TNKS: variants seen among roughly 807,000 people sequenced by gnomAD.
TNKS encodes the protein poly [ADP-ribose] polymerase tankyrase-1.
A neutral mutation model predicts 135.8 loss-of-function variants in TNKS; 72 were observed. The ratio of observed to expected loss-of-function variants is 0.53; its 90% confidence interval spans 0.44 to 0.64. TNKS has a LOEUF of 0.64. Ranked by LOEUF, TNKS falls within the 30% of genes least tolerant of loss-of-function variation. TNKS has a pLI of 0.00. For synonymous variants in TNKS, 849 were observed against 649.3 expected (o/e 1.31, Z -4.68); for missense variants, 1,769 against 1,674.0 (o/e 1.06, Z -0.99).
rs867173458 is a variant in TNKS, at chr8:9,723,868, A to G, written c.1922-2773A>G. 2.6e-5 allele frequency among the ~76,000 whole-genome samples: 4 copies of G among 151,964 alleles called. 1 individual carries two copies. In the Middle Eastern group the frequency reaches 0.014, roughly 517 times the overall value. On this transcript the variant is annotated intron_variant, in intron 12 of 26. Coordinates refer to ENST00000310430, the MANE Select transcript of TNKS (RefSeq NM_003747.3). ...CTGAATTCTTGCGATTGTATAACCC[A>G]GTGTGGGATAAGCATTACTTTCATC...
intron 2 of TNKS, among the ~76,000 whole-genome samples, chr8:9,611,636 G>GTGTCA (rs1204836015): frequency 1.3e-5 from 2 of 152,174 alleles, no homozygotes; most frequent in African/African-American, 4.8e-5. Context: ...ACCACTTTGA[G>GTGTCA]TACAGTGTGG....
At chr8:9,689,721 A>C (rs1370810195) in intron 5 of TNKS, among the ~76,000 whole-genome samples, 3 of 152,170 alleles carry the variant, frequency 2.0e-5, no homozygotes, top group Non-Finnish European at 4.4e-5. Context: ...TCACTTAAGG[A>C]ACTTTGAGGT....
At chr8:9,585,030 C>G (rs568632701) in intron 2 of TNKS, among the ~76,000 whole-genome samples, 8 of 152,040 alleles carry the variant, frequency 5.3e-5, no homozygotes, top group African/African-American at 1.9e-4. Context: ...GAATACATAT[C>G]CAGGACTGCT....
At chr8:9,717,608 G>T (rs1258742382) in intron 11 of TNKS, among the ~76,000 whole-genome samples, 1 of 152,032 alleles carries the variant, frequency 6.6e-6, no homozygotes, top group Non-Finnish European at 1.5e-5. Context: ...TTAGTTTGTT[G>T]CTCTTGTGAG....
At chr8:9,584,164 T>TAAAA (rs34977301) in intron 2 of TNKS, among the ~76,000 whole-genome samples, 1 of 114,444 alleles carries the variant, frequency 8.7e-6, no homozygotes, top group Non-Finnish European at 1.8e-5. Context: ...ACTCTGTCTT[T>TAAAA]AAAAAAAAAA....
chr8:9,669,342 C>T (rs1802159617), intron 3 of TNKS, among the ~76,000 whole-genome samples: 1 of 150,196 alleles, frequency 6.7e-6, no homozygotes, highest in Non-Finnish European at 1.5e-5. Context: ...GGCGTGAACC[C>T]GGGAAGCGGA....
At chr8:9,698,529 G>C (rs1323995507) in intron 5 of TNKS, among the ~76,000 whole-genome samples, 1 of 152,050 alleles carries the variant, frequency 6.6e-6, no homozygotes, top group African/African-American at 2.4e-5. Context: ...GTGTGATAGG[G>C]ATTACACTTC....
Position 9,769,689 on chromosome 8 carries a change from G to A in TNKS, c.3741-417G>A, listed in dbSNP as rs545800911. 4.0e-4 allele frequency among the ~76,000 whole-genome samples: 57 copies of A among 141,620 alleles called. No individual in the cohort carries two copies. In the South Asian group the frequency reaches 0.011, roughly 27 times the overall value. 92.9% of individuals were successfully genotyped at this position (141,620 alleles called of 152,430 possible). A position where few individuals can be genotyped will look rare whatever the true frequency, so the allele number is the denominator to read the frequency against. On this transcript the variant is annotated intron_variant, in intron 25 of 26. Transcript: ENST00000310430. ...GCCTGGAGTGCAGTGGCGCGATCTC[G>A]GCTCACTGCAAGCTCCACCTCCCGT... is the stretch of plus-strand genomic sequence containing the variant.
intron 4 of TNKS, 41 bp from the exon 5 acceptor site, chr8:9,680,684 C>T: frequency 7.1e-7 from 1 of 1,412,266 alleles, no homozygotes. Flanking sequence ...TCATAAGAAG[C>T]TTTGTAATTT....
chr8:9,661,938 C>G (rs1223792620), intron 3 of TNKS, among the ~76,000 whole-genome samples: 2 of 152,200 alleles, frequency 1.3e-5, no homozygotes, highest in Non-Finnish European at 2.9e-5. Flanking sequence ...TATGAACAGA[C>G]ACTTCTCAAA....
intron 2 of TNKS, among the ~76,000 whole-genome samples, chr8:9,591,777 C>G (rs1449641687): frequency 6.6e-6 from 1 of 152,120 alleles, no homozygotes; most frequent in Non-Finnish European, 1.5e-5. Context: ...TCTGATTTAT[C>G]AGTTAAAATA....
chr8:9,580,630 T>C lies in TNKS; in HGVS notation c.898+247T>C, dbSNP rs865934039. On this transcript the variant is annotated intron_variant, in intron 2 of 26. Transcript: ENST00000310430. The stretch of plus-strand genomic sequence containing the variant: ...GTGGAACTCAATTTTAATGGATTAC[T>C]ATTGTCAAATTTAGTTAATTTATAG... Among the ~76,000 whole-genome samples, 30 of 152,212 alleles carry C rather than the reference T, an allele frequency of 2.0e-4. 1 individual carries two copies. Among genetic ancestry groups the C allele is most frequent in the African/African-American group, 2.4e-5 (1 of 41,450 alleles).
At chr8:9,740,836 T>TTTTG (rs1805913820) in intron 17 of TNKS, 1 of 143,350 alleles carries the variant, frequency 7.0e-6, no homozygotes, top group Admixed American at 7.1e-5. Context: ...GTTTTTTTTT[T>TTTTG]TTTTTTTTTT....
intron 4 of TNKS, among the ~76,000 whole-genome samples, chr8:9,680,436 C>G (rs1563163576): frequency 6.6e-6 from 1 of 151,906 alleles, no homozygotes; most frequent in African/African-American, 2.4e-5. Flanking sequence ...ACGTTTTAGT[C>G]TATTTATCAG....
rs1457167852 is a variant in TNKS at position 9,651,228 on chromosome 8, A to C, written c.995-28723A>C. Among the ~76,000 whole-genome samples the C allele has an allele frequency of 2.0e-5, 3 of 152,004 alleles. No individual in the cohort carries two copies. The East Asian group carries it at 5.8e-4, about 29-fold the overall frequency. On this transcript the variant is annotated intron_variant, in intron 3 of 26. Transcript: ENST00000310430. ...AATAAAAATAAATGAAGTGGGGCTC[A>C]CTTCTGTTGGTTTTTTTAATCTTTA...
At chr8:9,757,443 T>C (rs1485768568) in intron 20 of TNKS, among the ~76,000 whole-genome samples, 1 of 152,228 alleles carries the variant, frequency 6.6e-6, no homozygotes, top group Non-Finnish European at 1.5e-5. Context: ...TTCTTTTAAC[T>C]GATTTTCCCT....
chr8:9,736,414 T>C (rs7846023), intron 17 of TNKS, among the ~76,000 whole-genome samples: 14,092 of 146,354 alleles, frequency 0.096, 785 homozygotes, highest in South Asian at 0.17. Flanking sequence ...TTTCAGAGAG[T>C]AGGAATTACT....
chr8:9,597,369 G>A (rs1400250780), intron 2 of TNKS, among the ~76,000 whole-genome samples: 3 of 152,310 alleles, frequency 2.0e-5, no homozygotes, highest in African/African-American at 7.2e-5. Context: ...ACACAAAGCG[G>A]ACACTCAATC....
intron 11 of TNKS, 45 bp downstream of exon 11, chr8:9,710,265 G>C: frequency 1.3e-6 from 2 of 1,578,374 alleles, no homozygotes; most frequent in Non-Finnish European, 1.7e-6. Context: ...GCACTGAGCA[G>C]CCAGCTGCTC....
Sources: allele counts gnomAD v4.1 joint callset (sites outside exome capture counted in the v4.1 genomes callset), GRCh38; gene constraint gnomAD v4.1.1; transcripts MANE v1.5; gene names NCBI Gene and HGNC (gene_info 2026-07-23, HGNC 2026-07-21).